Variants in CUX2 observed in about 807,000 individuals in gnomAD.
The protein encoded by CUX2 is homeobox protein cut-like 2.
In CUX2, 40 loss-of-function variants were observed where a neutral mutation model predicts 144.8. The ratio of observed to expected loss-of-function variants is 0.28; its 90% confidence interval spans 0.21 to 0.36. The LOEUF (loss-of-function observed/expected upper bound fraction) is 0.36. Among genes scored for constraint, CUX2 ranks in the 10% least tolerant of loss-of-function variants. The pLI is 1.00. For missense variants in CUX2, 1,615 were observed against 1,994.0 expected (o/e 0.81, Z 3.62); for synonymous variants, 827 against 875.6 (o/e 0.94, Z 0.98).
chr12:111,054,041 C>G (rs1870406071), intron 1 of CUX2, among the ~76,000 whole-genome samples: 2 of 152,166 alleles, frequency 1.3e-5, no homozygotes, highest in African/African-American at 2.4e-5. Flanking sequence ...GTAATCCCAG[C>G]TACTCAGGAG....
intron 1 of CUX2, among the ~76,000 whole-genome samples, chr12:111,152,522 T>G (rs1029930969): frequency 5.9e-5 from 9 of 152,178 alleles, no homozygotes; most frequent in African/African-American, 1.9e-4. Flanking sequence ...AGGCTGGGCC[T>G]TGGGGTTTCT....
At chr12:111,165,442 G>A (rs962392958) in intron 1 of CUX2, among the ~76,000 whole-genome samples, 2 of 152,202 alleles carry the variant, frequency 1.3e-5, no homozygotes, top group East Asian at 1.9e-4. Context: ...ACAGACTGTC[G>A]TCTGTCTCTA....
At chr12:111,347,421 G>A in intron 21 of CUX2, 103 bp from the exon 22 acceptor site, 7 of 1,052,884 alleles carry the variant, frequency 6.6e-6, no homozygotes, top group Non-Finnish European at 9.6e-6. Context: ...TGCCTAGAGA[G>A]CCCCAGGGCA....
rs115493615 is a variant in CUX2, at chr12:111,192,509, A to G, written c.64-21691A>G. On this transcript the variant is annotated intron_variant, in intron 1 of 21. Coordinates refer to ENST00000261726, the MANE Select transcript of CUX2 (RefSeq NM_015267.4). ...AACTACATAACCTGCCTTCCAGCTC[A>G]TGCCTTTTTCCTGCTTTCACTAGAT... Among the ~76,000 whole-genome samples, 291 of 151,498 alleles carry G rather than the reference A, an allele frequency of 1.9e-3. 1 individual carries two copies. The highest frequency in any genetic ancestry group is 6.7e-3 in the African/African-American group (276 of 41,328).
rs1263802435 is a variant in CUX2 at position 111,293,146 on chromosome 12, TA to T, written c.437-293del. On this transcript the variant is annotated intron_variant, in intron 5 of 21. Transcript: ENST00000261726. This position sits in a 1 kb window ranked among gnomAD's most constrained non-coding sequence, Gnocchi z 4.5. The stretch of plus-strand genomic sequence containing the variant: ...TCCGTCTCAAAAAAAAAATAAAAAA[TA>T]AAAAAAGGTGAATTTTATGTGACGT... Among the ~76,000 whole-genome samples, 1 of 151,556 alleles carries T rather than the reference TA, an allele frequency of 6.6e-6. No homozygotes were observed. The highest frequency in any genetic ancestry group is 1.5e-5 in the Non-Finnish European group (1 of 67,906).
At position 111,347,847 on chromosome 12, in the gene CUX2, C is replaced by A. The variant is rs762159221; in HGVS notation, c.3983C>A (p.Pro1328His). 1 of 1,614,070 alleles carries A rather than the reference C, an allele frequency of 6.2e-7. No homozygotes were observed. Among genetic ancestry groups the A allele is most frequent in the East Asian group, 2.2e-5 (1 of 44,866 alleles). Residue 1328 changes from proline (P) to histidine (H), a missense_variant, in exon 22 of 22, where the codon CCC becomes CAC. Around this residue, in one of 12 missense-constraint regions of CUX2, gnomAD observed 298 missense variants for 330.4 expected, o/e 0.90. Coordinates refer to ENST00000261726, the MANE Select transcript of CUX2 (RefSeq NM_015267.4). ...GAGCTGGACAAAGGCCAAGGTCCCC[C>A]CAAAGAGGAGCATCCCGACCCTCCG... ...SGELDKGQGP[P>H]KEEHPDPPGN...
In CUX2 at chr12:111,204,084, C is replaced by T. The variant is rs549813976; in HGVS notation, c.64-10116C>T. Among the ~76,000 whole-genome samples the T allele has an allele frequency of 1.3e-5, 2 of 152,332 alleles. 1 individual carries two copies. The highest frequency in any genetic ancestry group is 4.1e-4 in the South Asian group (2 of 4,824). ...GCAGTCCACCAGCCTGTCGTCCTGCCAGTCCCCAGAGAGAGGTGATGCCCT... is the reference window on the plus strand; with the variant it reads ...GCAGTCCACCAGCCTGTCGTCCTGCTAGTCCCCAGAGAGAGGTGATGCCCT... On this transcript the variant is annotated intron_variant, in intron 1 of 21. Coordinates refer to ENST00000261726, the MANE Select transcript of CUX2 (RefSeq NM_015267.4).
chr12:111,049,808 A>G (rs936640765), intron 1 of CUX2, among the ~76,000 whole-genome samples: 2 of 152,146 alleles, frequency 1.3e-5, no homozygotes, highest in African/African-American at 4.8e-5. Context: ...TCTTTTTGAG[A>G]GAGACTTTTT....
At position 111,320,337 on chromosome 12, in the gene CUX2, G is replaced by A. The variant is rs1887456586; in HGVS notation, c.2328G>A (p.Lys776=). 6.3e-7 allele frequency: 1 copy of A among 1,598,044 alleles called. No homozygotes were observed. The highest frequency in any genetic ancestry group is 8.5e-7 in the Non-Finnish European group (1 of 1,179,184). ...AFVQSIIRKV[K]SEIGDAGYFD... is the part of the protein sequence containing the mutation. ...TGCAGAGCATCATCCGCAAGGTCAA[G>A]TCCGAGATCGGCGACGCCGGCTACT... Residue 776 remains lysine, a synonymous_variant, in exon 17 of 22, where the codon AAG becomes AAA. Coordinates refer to ENST00000261726, the MANE Select transcript of CUX2 (RefSeq NM_015267.4). This position sits in a 1 kb window ranked among gnomAD's most constrained non-coding sequence, Gnocchi z 8.1.
intron 19 of CUX2, among the ~76,000 whole-genome samples, chr12:111,336,843 G>A (rs572524736): frequency 1.1e-4 from 16 of 151,672 alleles, no homozygotes; most frequent in South Asian, 6.3e-4. Flanking sequence ...CTGTGTAGAC[G>A]AAATGATACA....
Position 111,308,473 on chromosome 12 carries a change from T to A in CUX2, c.1205T>A (p.Phe402Tyr). ...TCACTGCTTATTGCAAAGGAGGCCT[T>A]CTTCCCCACGCAGAAATTCCTTCTG... ...EDSLLIAKEA[F>Y]FPTQKFLLEK... The change falls in exon 14 of 22, where the codon TTC (phenylalanine) becomes TAC (tyrosine). Residue 402 changes from phenylalanine (F) to tyrosine (Y), a missense_variant. Physicochemically the swap from Phe to Tyr is conservative, Grantham distance 22. Around this residue, in one of 12 missense-constraint regions of CUX2, gnomAD observed 57 missense variants for 60.8 expected, o/e 0.94. Transcript: ENST00000261726. 4.3e-6 allele frequency: 7 copies of A among 1,613,522 alleles called. No individual in the cohort carries two copies. Among genetic ancestry groups the A allele is most frequent in the Non-Finnish European group, 5.9e-6 (7 of 1,179,424 alleles).
At chr12:111,100,284 T>C (rs1424281203) in intron 1 of CUX2, among the ~76,000 whole-genome samples, 1 of 152,272 alleles carries the variant, frequency 6.6e-6, no homozygotes, top group South Asian at 2.1e-4. Flanking sequence ...GCTCGATGTA[T>C]GCGTGGCCTG....
chr12:111,265,622 T>C (rs1884346009), intron 4 of CUX2, among the ~76,000 whole-genome samples: 1 of 152,086 alleles, frequency 6.6e-6, no homozygotes, highest in Admixed American at 6.6e-5. Context: ...GGATTACAGA[T>C]GTGAGCCACC....
intron 1 of CUX2, among the ~76,000 whole-genome samples, chr12:111,201,587 C>T (rs1051257451): frequency 6.6e-6 from 1 of 152,142 alleles, no homozygotes; most frequent in African/African-American, 2.4e-5. Context: ...GCAGTCCTCC[C>T]CAGTCCTCCC....
intron 1 of CUX2, among the ~76,000 whole-genome samples, chr12:111,089,094 T>C (rs1471725335): frequency 6.6e-6 from 1 of 152,210 alleles, no homozygotes; most frequent in Non-Finnish European, 1.5e-5. Context: ...ACCTGCAGGA[T>C]ATTCCAAGTG....
At chr12:111,145,802 G>T (rs1876629576) in intron 1 of CUX2, among the ~76,000 whole-genome samples, 1 of 152,128 alleles carries the variant, frequency 6.6e-6, no homozygotes, top group Non-Finnish European at 1.5e-5. Context: ...GAGTAGCTGG[G>T]ATTACAGCCA....
chr12:111,241,571 C>T lies in CUX2; in HGVS notation c.223-22190C>T, dbSNP rs116939933. ...CACCCCCACCCCACCCCCAGGTTCCCTGTGAAAGGGGAGCACCTGCTCCAA... is the reference window on the plus strand; with the variant it reads ...CACCCCCACCCCACCCCCAGGTTCCTTGTGAAAGGGGAGCACCTGCTCCAA... On this transcript the variant is annotated intron_variant, in intron 3 of 21. Transcript: ENST00000261726. 1.0e-4 allele frequency among the ~76,000 whole-genome samples: 16 copies of T among 152,386 alleles called. No individual in the cohort carries two copies. In the East Asian group the frequency reaches 2.9e-3, roughly 28 times the overall value.
At chr12:111,045,131 C>T (rs551040443) in intron 1 of CUX2, among the ~76,000 whole-genome samples, 1 of 152,304 alleles carries the variant, frequency 6.6e-6, no homozygotes, top group Non-Finnish European at 1.5e-5. Flanking sequence ...GACACTGATT[C>T]CCAGGCCCAC....
rs116564512 is a variant in CUX2 at position 111,083,877 on chromosome 12, C to T, written c.63+49637C>T. Among the ~76,000 whole-genome samples the T allele has an allele frequency of 5.5e-3, 831 of 152,246 alleles. 11 individuals carry two copies. Among genetic ancestry groups the T allele is most frequent in the African/African-American group, 0.019 (774 of 41,544 alleles). ...GGCAGCCCGCCTTTGGCCCAGAGAACGTGCTTGTTCAAGGTTACTTTGATG... is the reference window on the plus strand; with the variant it reads ...GGCAGCCCGCCTTTGGCCCAGAGAATGTGCTTGTTCAAGGTTACTTTGATG... On this transcript the variant is annotated intron_variant, in intron 1 of 21. Transcript: ENST00000261726.
Sources: gnomAD v4.1 joint callset for allele counts (sites outside exome capture counted in the v4.1 genomes callset) on GRCh38, gnomAD v4.1.1 for gene constraint, gnomAD v4.1.1 regional missense constraint, Gnocchi (gnomAD v3.1) non-coding constraint, MANE v1.5 for transcripts, NCBI Gene and HGNC (gene_info 2026-07-23, HGNC 2026-07-21) for gene names.